The following KCTD1 variants were observed in gnomAD, a reference collection of about 807,000 sequenced individuals.
The protein encoded by KCTD1 is potassium channel tetramerization domain containing 1, also known as BTB/POZ domain-containing protein KCTD1.
In KCTD1, 24 loss-of-function variants were observed where a neutral mutation model predicts 66.0. The ratio of observed to expected loss-of-function variants is 0.36; its 90% CI spans 0.26 to 0.51. The LOEUF (loss-of-function observed/expected upper bound fraction) is 0.51, where lower values mean the gene tolerates loss of function less well. KCTD1 is among the 20% of genes least tolerant of loss of function. The probability of loss-of-function intolerance (pLI) is 0.95; values close to 1 mark genes in which losing one functional copy is unlikely to be tolerated. For synonymous variants in KCTD1, 511 were observed against 517.2 expected, an observed-to-expected ratio of 0.99 and a Z score of 0.16; for missense variants, 943 against 1,205.2, an observed-to-expected ratio of 0.78 and a Z score of 3.22.
chr18:26,649,472 G>A (rs1235972222), intron 1 of KCTD1, among the ~76,000 whole-genome samples: 3 of 152,170 alleles, frequency 2.0e-5, no homozygotes, highest in East Asian at 1.9e-4. Flanking sequence ...GTTGAGCCTC[G>A]GTTGTTTCGG....
At chr18:26,457,520 A>C (rs763739643) in intron 4 of KCTD1, 3 of 152,252 alleles carry the variant, frequency 2.0e-5, no homozygotes, top group African/African-American at 2.4e-5. Context: ...TTTTTCTTTG[A>C]GTCTTAAGGT....
rs1482746020 is a variant in KCTD1 at position 26,605,728 on chromosome 18, CTA to C, written c.-16+23417_-16+23418del. 2.1e-4 allele frequency among the ~76,000 whole-genome samples: 15 copies of C among 70,004 alleles called. No homozygotes were observed. In the Admixed American group the frequency reaches 2.2e-3, roughly 10 times the overall value. The allele number at this position is 70,004 out of a possible 152,430, so 45.9% of individuals were successfully genotyped here. A position where few individuals can be genotyped will look rare whatever the true frequency, so the allele number is the denominator to read the frequency against. ...ATACACCATATATATATCTCTATATCTATCTATCTATCTATCTATCTATCTAT... is the reference window on the plus strand; with the variant it reads ...ATACACCATATATATATCTCTATATCTCTATCTATCTATCTATCTATCTAT... On this transcript the variant is annotated intron_variant, in intron 1 of 4. Transcript: ENST00000317932.
At chr18:26,465,693 C>T (rs1032052521) in intron 3 of KCTD1, among the ~76,000 whole-genome samples, 18 of 152,158 alleles carry the variant, frequency 1.2e-4, no homozygotes, top group Admixed American at 5.2e-4. Flanking sequence ...GAAGGCAGGC[C>T]CACCAGCATT....
Position 26,547,401 on chromosome 18 carries a change from T to C in KCTD1, c.1136A>G (p.Tyr379Cys), listed in dbSNP as rs1416331676. The C allele has an allele frequency of 1.9e-5, 29 of 1,551,298 alleles. No individual in the cohort carries two copies. Among genetic ancestry groups the C allele is most frequent in the East Asian group, 2.4e-5 (1 of 40,912 alleles). Reference sequence around the variant, plus strand: ...GGGGCAGAACTCGGTGCCCGTCTCATACATGCGGGGCAAGTTCTCCTCGTC... The same window carrying C: ...GGGGCAGAACTCGGTGCCCGTCTCACACATGCGGGGCAAGTTCTCCTCGTC... ...SSDEENLPRM[Y>C]ETGTEFCPYA... is the part of the protein sequence containing the mutation. The change falls in exon 1 of 5, where the codon TAT becomes TGT. Residue 379 changes from tyrosine (Y) to cysteine (C), a missense_variant. Tyr to Cys is a radical substitution (Grantham distance 194). Around this residue, in one of 10 missense-constraint regions of KCTD1, gnomAD observed 79 missense variants for 133.9 expected, o/e 0.59. Coordinates refer to ENST00000580059, the MANE Select transcript of KCTD1 (RefSeq NM_001142730.3).
intron 1 of KCTD1, among the ~76,000 whole-genome samples, chr18:26,518,668 T>G (rs1983777399): frequency 6.6e-6 from 1 of 152,264 alleles, no homozygotes; most frequent in Non-Finnish European, 1.5e-5. Flanking sequence ...CTACACATGT[T>G]GCTCACACAC....
chr18:26,622,878 G>A (rs1331966992), intron 1 of KCTD1, among the ~76,000 whole-genome samples: 1 of 152,076 alleles, frequency 6.6e-6, no homozygotes, highest in East Asian at 1.9e-4. Context: ...GCCATAAAGG[G>A]GCAAGACACA....
intron 2 of KCTD1, among the ~76,000 whole-genome samples, chr18:26,500,171 C>G (rs1982681978): frequency 1.3e-5 from 2 of 151,844 alleles, no homozygotes; most frequent in Non-Finnish European, 2.9e-5. Flanking sequence ...AGTCCCAGCA[C>G]TTTCGGAGGC....
chr18:26,586,405 T>C (rs1986472885), intron 1 of KCTD1, among the ~76,000 whole-genome samples: 1 of 150,976 alleles, frequency 6.6e-6, no homozygotes, highest in South Asian at 2.1e-4. Context: ...CAACCAGCTG[T>C]TCCTCAGTCT....
intron 3 of KCTD1, among the ~76,000 whole-genome samples, chr18:26,466,456 G>A (rs1318961623): frequency 6.6e-6 from 1 of 152,194 alleles, no homozygotes; most frequent in African/African-American, 2.4e-5. Flanking sequence ...TCTCGAGCAG[G>A]AGTAATTTTG....
chr18:26,604,793 G>A (rs753452272), intron 1 of KCTD1, among the ~76,000 whole-genome samples: 2 of 152,074 alleles, frequency 1.3e-5, no homozygotes, highest in African/African-American at 4.8e-5. Context: ...TGGATACTGG[G>A]TTTAATACCT....
At chr18:26,551,609 C>G (rs1985569528), upstream of KCTD1, among the ~76,000 whole-genome samples, 1 of 151,716 alleles carries the variant, frequency 6.6e-6, no homozygotes, top group African/African-American at 2.4e-5. Flanking sequence ...GAAGAACACC[C>G]AGAAAAACAG....
chr18:26,527,878 A>AT (rs34386296), intron 1 of KCTD1, among the ~76,000 whole-genome samples: 1 of 151,908 alleles, frequency 6.6e-6, no homozygotes, highest in Non-Finnish European at 1.5e-5. Context: ...AAATCCAGTA[A>AT]TTTTTTTTCC....
chr18:26,604,907 T>A (rs1003985318), intron 1 of KCTD1, among the ~76,000 whole-genome samples: 3 of 151,920 alleles, frequency 2.0e-5, no homozygotes, highest in Non-Finnish European at 4.4e-5. Context: ...TAAAAAAAAA[T>A]AAAGAAACTC....
intron 1 of KCTD1, among the ~76,000 whole-genome samples, chr18:26,504,627 C>A (rs1007512941): frequency 7.9e-5 from 12 of 152,166 alleles, no homozygotes; most frequent in African/African-American, 2.9e-4. Flanking sequence ...CCTGCTTCAG[C>A]CTCCCAAGTC....
chr18:26,654,319 T>C (rs988382546), intron 1 of KCTD1, among the ~76,000 whole-genome samples: 2 of 152,186 alleles, frequency 1.3e-5, no homozygotes, highest in South Asian at 2.1e-4. Flanking sequence ...CATCATCATC[T>C]AGTTGAAGTC....
intron 1 of KCTD1, among the ~76,000 whole-genome samples, chr18:26,569,956 G>C (rs1248495868): frequency 3.3e-5 from 5 of 152,086 alleles, no homozygotes; most frequent in Admixed American, 6.5e-5. Flanking sequence ...GGAGGCCAAG[G>C]TGGGTGGATC....
intron 2 of KCTD1, among the ~76,000 whole-genome samples, chr18:26,485,607 T>A (rs1477253982): frequency 6.6e-6 from 1 of 152,220 alleles, no homozygotes; most frequent in Non-Finnish European, 1.5e-5. Context: ...GATCAGATCA[T>A]CATAACCTCC....
upstream of KCTD1, chr18:26,548,733 G>C (rs1985407671): frequency 5.3e-6 from 4 of 747,972 alleles, no homozygotes; most frequent in Middle Eastern, 5.6e-4. Context: ...GAGGGGGGAG[G>C]GGGGGACAAG....
At chr18:26,467,537 C>T (rs551991522) in intron 3 of KCTD1, among the ~76,000 whole-genome samples, 4 of 148,430 alleles carry the variant, frequency 2.7e-5, no homozygotes, top group East Asian at 2.0e-4. Context: ...TTTTTAAGGC[C>T]GGGCACAATG....
Sources: allele counts gnomAD v4.1 joint callset (sites outside exome capture counted in the v4.1 genomes callset), GRCh38; gene constraint gnomAD v4.1.1; regional missense constraint gnomAD v4.1.1; transcripts MANE v1.5; gene names NCBI Gene and HGNC (gene_info 2026-07-23, HGNC 2026-07-21).